Variants in MYBL2 observed in about 807,000 individuals in gnomAD.
MYBL2 encodes the protein MYB proto-oncogene like 2.
Under a neutral mutation model 79.9 loss-of-function variants are expected in MYBL2, and 28 were observed. That is an observed-to-expected ratio of 0.35 (90% CI 0.26 to 0.48). MYBL2 has a LOEUF of 0.48. MYBL2 is among the 20% of genes least tolerant of loss of function. The pLI, the probability that MYBL2 is intolerant of heterozygous loss-of-function variation, is 0.99. For missense variants in MYBL2, 735 were observed against 893.9 expected (o/e 0.82, Z 2.27); for synonymous variants, 378 against 361.2 (o/e 1.05, Z -0.53).
chr20:43,667,294 G>A lies in MYBL2; in HGVS notation c.11G>A (p.Arg4Gln). The change falls in exon 1 of 14, where the codon CGG (arginine) becomes CAG (glutamine). Residue 4 changes from arginine (R) to glutamine (Q), a missense_variant. Around this residue, in one of 5 missense-constraint regions of MYBL2, gnomAD observed 79 missense variants for 86.7 expected, o/e 0.91. Transcript: ENST00000217026. ...GTCCGGGCCGGGGGGATGTCTCGGC[G>A]GACGCGCTGGTGAGACGAGCCGGGA... The part of the protein sequence containing the change: MSR[R>Q]TRCEDLDELH... The A allele has an allele frequency of 1.6e-6, 2 of 1,228,758 alleles. No individual in the cohort carries two copies. Among genetic ancestry groups the A allele is most frequent in the Non-Finnish European group, 2.0e-6 (2 of 985,368 alleles). 76.1% of individuals were successfully genotyped at this position (1,228,758 alleles called of 1,614,324 possible).
At chr20:43,680,740 A>G (rs428000) in intron 2 of MYBL2, among the ~76,000 whole-genome samples, 137,316 of 152,196 alleles carry the variant, frequency 0.9, 62,157 homozygotes, top group African/African-American at 0.97. Context: ...TGATCTGCCC[A>G]CCACGGCCTC....
intron 5 of MYBL2, among the ~76,000 whole-genome samples, chr20:43,691,680 C>T (rs1308782834): frequency 6.6e-6 from 1 of 151,830 alleles, no homozygotes; most frequent in Non-Finnish European, 1.5e-5. Flanking sequence ...GCTGGGATTA[C>T]AGGCATGTGC....
At chr20:43,689,285 T>C (rs1490516012) in intron 5 of MYBL2, among the ~76,000 whole-genome samples, 1 of 152,174 alleles carries the variant, frequency 6.6e-6, no homozygotes, top group Non-Finnish European at 1.5e-5. Flanking sequence ...TTCCCCAAAG[T>C]CTGAAATGAT....
intron 6 of MYBL2, among the ~76,000 whole-genome samples, chr20:43,697,552 A>C (rs555813339): frequency 6.6e-6 from 1 of 152,144 alleles, no homozygotes; most frequent in East Asian, 1.9e-4. Flanking sequence ...TGGAGGTTGC[A>C]GTGAGCTGAG....
intron 6 of MYBL2, among the ~76,000 whole-genome samples, chr20:43,695,811 A>T (rs1252287397): frequency 2.6e-5 from 4 of 152,128 alleles, no homozygotes; most frequent in Non-Finnish European, 4.4e-5. Context: ...GAAAAAGCAA[A>T]CAGGCCAGGC....
At position 43,667,259 on chromosome 20, in the gene MYBL2, G is replaced by C. The variant is rs1330839988; in HGVS notation, c.-25G>C. On this transcript the variant is annotated 5_prime_UTR_variant, in exon 1 of 14. Transcript: ENST00000217026. ...CCGGGCTCTGCCGGCGGGCGGGCGA[G>C]CGCGGCGCGGTCCGGGCCGGGGGGA... 5 of 1,220,042 alleles carry C rather than the reference G, an allele frequency of 4.1e-6. No homozygotes were observed. Among genetic ancestry groups the C allele is most frequent in the Non-Finnish European group, 5.1e-6 (5 of 980,368 alleles). 75.6% of individuals were successfully genotyped at this position (1,220,042 alleles called of 1,614,324 possible).
intron 2 of MYBL2, among the ~76,000 whole-genome samples, chr20:43,677,748 C>A (rs1302134576): frequency 1.3e-5 from 2 of 152,102 alleles, no homozygotes; most frequent in African/African-American, 4.8e-5. Context: ...TGCCCGGCCG[C>A]CCCTACTGGG....
At chr20:43,676,348 C>T (rs1987010134) in intron 2 of MYBL2, among the ~76,000 whole-genome samples, 1 of 147,730 alleles carries the variant, frequency 6.8e-6, no homozygotes, top group Admixed American at 6.8e-5. Flanking sequence ...TTGGCTCTTA[C>T]TTATAGATGA....
chr20:43,689,686 G>A (rs1387031887), intron 5 of MYBL2, among the ~76,000 whole-genome samples: 2 of 152,194 alleles, frequency 1.3e-5, no homozygotes, highest in Non-Finnish European at 2.9e-5. Context: ...GCAGAGTAGT[G>A]TGTACCCCAG....
At chr20:43,693,088 C>T (rs903608743) in intron 6 of MYBL2, among the ~76,000 whole-genome samples, 3 of 152,118 alleles carry the variant, frequency 2.0e-5, no homozygotes, top group East Asian at 1.9e-4. Flanking sequence ...GCTGGAGTTG[C>T]AGGGTGTGAT....
intron 9 of MYBL2, among the ~76,000 whole-genome samples, chr20:43,706,089 A>C (rs1987776968): frequency 6.6e-6 from 1 of 152,136 alleles, no homozygotes; most frequent in Admixed American, 6.5e-5. Context: ...AGCCTCCCAA[A>C]ACGCTGGGAT....
intron 1 of MYBL2, among the ~76,000 whole-genome samples, chr20:43,671,254 C>G (rs1045950789): frequency 6.6e-6 from 1 of 152,026 alleles, no homozygotes; most frequent in Non-Finnish European, 1.5e-5. Context: ...CTCCTGGGTT[C>G]AAGCAGTTTT....
At chr20:43,678,310 AT>A (rs1987061680) in intron 2 of MYBL2, among the ~76,000 whole-genome samples, 1 of 54,802 alleles carries the variant, frequency 1.8e-5, no homozygotes, top group African/African-American at 5.2e-5. Flanking sequence ...AAAAAAATAA[AT>A]AAAGAAAGAA....
In MYBL2 at chr20:43,716,051, G is replaced by A. The variant is rs1214123460; in HGVS notation, c.2067G>A (p.Lys689=). The change falls in exon 14 of 14, where the codon AAG becomes AAA. Residue 689 remains lysine (K), a synonymous_variant. Coordinates refer to ENST00000217026, the MANE Select transcript of MYBL2 (RefSeq NM_002466.4). ...EKARQLLGRL[K]PSHTSRTLIL... The stretch of plus-strand genomic sequence containing the variant: ...CCCGGCAGCTCCTGGGCCGCCTGAA[G>A]CCCAGCCACACATCTCGGACCCTCA... 1 of 1,610,446 alleles carries A rather than the reference G, an allele frequency of 6.2e-7. No individual in the cohort carries two copies. The highest frequency in any genetic ancestry group is 1.1e-5 in the South Asian group (1 of 91,022).
chr20:43,706,718 A>ATTTTTTT (rs1491241868), intron 9 of MYBL2, among the ~76,000 whole-genome samples: 1 of 3,336 alleles, frequency 3.0e-4, no homozygotes, highest in Admixed American at 1.7e-3. Context: ...AAAAAAAAAA[A>ATTTTTTT]GTTTTTTTTT....
Position 43,681,825 on chromosome 20 carries a change from G to A in MYBL2, c.156G>A (p.Gln52=), listed in dbSNP as rs756752308. Residue 52 remains glutamine (Q), a synonymous_variant, in exon 3 of 14, where the codon CAG becomes CAA. Coordinates refer to ENST00000217026, the MANE Select transcript of MYBL2 (RefSeq NM_002466.4). ...LRALVRQFGQ[Q]DWKFLASHFP... ...CCCTGGTGAGGCAGTTTGGACAGCA[G>A]GACTGGAAGTTCCTGGCCAGCCACT... is the stretch of plus-strand genomic sequence containing the variant. 1.2e-6 allele frequency: 2 copies of A among 1,614,184 alleles called. No individual in the cohort carries two copies. Among genetic ancestry groups the A allele is most frequent in the Non-Finnish European group, 1.7e-6 (2 of 1,180,040 alleles).
At chr20:43,675,743 T>C (rs1023201165) in intron 2 of MYBL2, among the ~76,000 whole-genome samples, 25 of 140,760 alleles carry the variant, frequency 1.8e-4, no homozygotes, top group African/African-American at 6.3e-4. Flanking sequence ...TTGTTTTGCC[T>C]TTTTCTTTTT....
At chr20:43,697,948 G>A (rs932837315) in intron 6 of MYBL2, among the ~76,000 whole-genome samples, 1 of 150,534 alleles carries the variant, frequency 6.6e-6, no homozygotes, top group Non-Finnish European at 1.5e-5. Flanking sequence ...TGTATTTATG[G>A]TGTGCAATGT....
At chr20:43,711,359 A>C (rs1987901527) in intron 10 of MYBL2, 129 bp from the exon 11 acceptor site, 2 of 642,878 alleles carry the variant, frequency 3.1e-6, no homozygotes, top group Admixed American at 2.7e-5. Context: ...TGAGATCTGC[A>C]TCCTGGCGTC....
Sources: gnomAD v4.1 joint callset for allele counts (sites outside exome capture counted in the v4.1 genomes callset) on GRCh38, gnomAD v4.1.1 for gene constraint, gnomAD v4.1.1 regional missense constraint, MANE v1.5 for transcripts, NCBI Gene and HGNC (gene_info 2026-07-23, HGNC 2026-07-21) for gene names.